PRKN: variants seen among roughly 807,000 people sequenced by gnomAD.
PRKN encodes the protein E3 ubiquitin-protein ligase parkin.
Under a neutral mutation model 59.5 loss-of-function variants are expected in PRKN, and 56 were observed. That is an observed-to-expected ratio of 0.94 (90% CI 0.76 to 1.18). The LOEUF is 1.18. Among genes scored for constraint, PRKN ranks in the 50% most tolerant of loss-of-function variants. The probability of loss-of-function intolerance (pLI) is 0.00; values close to 1 mark genes in which losing one functional copy is unlikely to be tolerated. For synonymous variants in PRKN, 250 were observed against 222.1 expected (o/e 1.13, Z -1.12); for missense variants, 657 against 596.4 (o/e 1.10, Z -1.06).
At chr6:162,488,517 T>C (rs1792660139) in intron 1 of PRKN, among the ~76,000 whole-genome samples, 1 of 152,158 alleles carries the variant, frequency 6.6e-6, no homozygotes. Flanking sequence ...GCATTCCTCC[T>C]TTCCTCCTCT....
chr6:162,144,599 A>T (rs1781937611), intron 4 of PRKN, among the ~76,000 whole-genome samples: 1 of 152,188 alleles, frequency 6.6e-6, no homozygotes, highest in Non-Finnish European at 1.5e-5. Context: ...CTATGGTCAC[A>T]GGCCCACCCC....
rs146602520 is a variant in PRKN at position 162,027,159 on chromosome 6, C to T, written c.618+26932G>A. Among the ~76,000 whole-genome samples the T allele has an allele frequency of 5.3e-5, 8 of 152,192 alleles. No individual in the cohort carries two copies. In the East Asian group the frequency reaches 1.2e-3, roughly 22 times the overall value. ...TGCTCTCCCCAAAACCCATGTCAAT[C>T]GTTAGTGTTTCAAGACTCTAAGCAT... On this transcript the variant is annotated intron_variant, in intron 5 of 11. Coordinates refer to ENST00000366898, the MANE Select transcript of PRKN (RefSeq NM_004562.3).
intron 5 of PRKN, among the ~76,000 whole-genome samples, chr6:161,987,132 C>T (rs73606810): frequency 0.049 from 7,522 of 152,258 alleles, 604 homozygotes; most frequent in African/African-American, 0.17. Flanking sequence ...AAGTGCTTAA[C>T]ACAATTTAAT....
At chr6:162,283,781 A>G (rs1035715505) in intron 2 of PRKN, among the ~76,000 whole-genome samples, 2 of 152,146 alleles carry the variant, frequency 1.3e-5, no homozygotes, top group Non-Finnish European at 2.9e-5. Flanking sequence ...TCAGCTTCCC[A>G]AAGTGCTGGG....
At chr6:162,151,707 G>A (rs537679163) in intron 4 of PRKN, among the ~76,000 whole-genome samples, 6 of 152,232 alleles carry the variant, frequency 3.9e-5, no homozygotes, top group East Asian at 3.9e-4. Flanking sequence ...GCTGATTCAC[G>A]TCTTGCCAGT....
In PRKN at chr6:161,561,341, A is replaced by G. The variant is rs1780447311; in HGVS notation, c.933+8014T>C. On this transcript the variant is annotated intron_variant, in intron 8 of 11. Transcript: ENST00000366898. The surrounding 1 kb of genome is among the most constrained non-coding windows in gnomAD (Gnocchi z 5.0). ...CACCAATTTTTTGGTTCCTAAGACC[A>G]ATGTAGGTAGGACCTGCCTCTCTCC... Among the ~76,000 whole-genome samples, 1 of 152,194 alleles carries G rather than the reference A, an allele frequency of 6.6e-6. No homozygotes were observed. Among genetic ancestry groups the G allele is most frequent in the Admixed American group, 6.5e-5 (1 of 15,274 alleles).
chr6:161,819,250 G>A (rs1035220266), intron 6 of PRKN, among the ~76,000 whole-genome samples: 11 of 152,140 alleles, frequency 7.2e-5, no homozygotes, highest in Admixed American at 7.2e-4. Context: ...GTAATACTTT[G>A]GGAGGCTAAG....
intron 2 of PRKN, among the ~76,000 whole-genome samples, chr6:162,282,994 C>T (rs112252884): frequency 0.013 from 1,814 of 144,816 alleles, 35 homozygotes; most frequent in African/African-American, 0.04. Context: ...TTCTCTCTCT[C>T]TTTTTTTTTT....
chr6:162,371,083 T>C (rs10806757), intron 2 of PRKN, among the ~76,000 whole-genome samples: 55,328 of 152,034 alleles, frequency 0.36, 10,649 homozygotes, highest in East Asian at 0.69. Flanking sequence ...CGTGGGAAGG[T>C]GAAGCGATTC....
chr6:161,655,540 G>C (rs1033501604), intron 7 of PRKN, among the ~76,000 whole-genome samples: 4 of 152,240 alleles, frequency 2.6e-5, no homozygotes, highest in Middle Eastern at 3.2e-3. Flanking sequence ...AGAGAACAGG[G>C]AAGAGACCCC....
intron 2 of PRKN, among the ~76,000 whole-genome samples, chr6:162,272,674 G>A (rs867542169): frequency 1.6e-4 from 25 of 151,996 alleles, no homozygotes; most frequent in African/African-American, 2.7e-4. Flanking sequence ...CAACATCTGC[G>A]CAAGGTGTTT....
chr6:162,348,672 T>C (rs1021550051), intron 2 of PRKN, among the ~76,000 whole-genome samples: 6 of 152,202 alleles, frequency 3.9e-5, no homozygotes, highest in African/African-American at 1.4e-4. Flanking sequence ...CATATTCTTA[T>C]TATTTCTTTT....
chr6:162,199,098 C>A (rs1784615980), intron 4 of PRKN, among the ~76,000 whole-genome samples: 1 of 152,128 alleles, frequency 6.6e-6, no homozygotes, highest in South Asian at 2.1e-4. Context: ...TCCACCTCAC[C>A]CTTCCACTAC....
At chr6:162,010,988 AT>A (rs1461216145) in intron 5 of PRKN, among the ~76,000 whole-genome samples, 1 of 22,502 alleles carries the variant, frequency 4.4e-5, no homozygotes, top group Non-Finnish European at 6.5e-5. Flanking sequence ...TATAATATAT[AT>A]TTATAACATA....
intron 3 of PRKN, among the ~76,000 whole-genome samples, chr6:162,215,444 T>C (rs906515857): frequency 6.6e-6 from 1 of 152,306 alleles, no homozygotes; most frequent in African/African-American, 2.4e-5. Flanking sequence ...TAAAATGACA[T>C]GCAATTTGAT....
At chr6:161,692,283 A>C (rs1010389334) in intron 7 of PRKN, among the ~76,000 whole-genome samples, 3 of 152,220 alleles carry the variant, frequency 2.0e-5, no homozygotes, top group Admixed American at 2.0e-4. Flanking sequence ...GAAAAAAAAT[A>C]GTAAAAACCC....
chr6:162,638,392 T>C (rs1562458839), intron 1 of PRKN, among the ~76,000 whole-genome samples: 1 of 152,186 alleles, frequency 6.6e-6, no homozygotes, highest in African/African-American at 2.4e-5. Context: ...TCTGTGACTT[T>C]CCAACTCTGT....
At chr6:162,337,547 T>C (rs1373945168) in intron 2 of PRKN, among the ~76,000 whole-genome samples, 1 of 152,170 alleles carries the variant, frequency 6.6e-6, no homozygotes, top group East Asian at 1.9e-4. Context: ...GTGTGAGGGA[T>C]TTGAGAACAC....
intron 7 of PRKN, among the ~76,000 whole-genome samples, chr6:161,726,429 C>G (rs1787443365): frequency 6.6e-6 from 1 of 152,176 alleles, no homozygotes; most frequent in Non-Finnish European, 1.5e-5. Context: ...AATGTGTTAT[C>G]CGGCACATGG....
Sources: gnomAD v4.1 joint callset for allele counts (sites outside exome capture counted in the v4.1 genomes callset) on GRCh38, gnomAD v4.1.1 for gene constraint, Gnocchi (gnomAD v3.1) non-coding constraint, MANE v1.5 for transcripts, NCBI Gene and HGNC (gene_info 2026-07-23, HGNC 2026-07-21) for gene names.